The following PRR27 variants were observed in gnomAD, a reference collection of about 807,000 sequenced individuals.
The protein encoded by PRR27 is proline-rich protein 27.
In PRR27, 12 loss-of-function variants were observed where a neutral mutation model predicts 16.8. That is an observed-to-expected ratio of 0.71 (90% CI 0.46 to 1.16). PRR27 has a LOEUF of 1.16. Ranked by LOEUF, PRR27 falls within the 50% of genes most tolerant of loss-of-function variation. The pLI is 0.00. For synonymous variants in PRR27, 100 were observed against 98.4 expected, an observed-to-expected ratio of 1.02 and a Z score of -0.10; for missense variants, 277 against 273.3, an observed-to-expected ratio of 1.01 and a Z score of -0.10.
chr4:70,164,908 TA>T lies in PRR27; in HGVS notation c.*2252del, dbSNP rs752005156. On this transcript the variant is annotated 3_prime_UTR_variant, in exon 5 of 5. Transcript: ENST00000344526. ...TTATTCCAAGAAAATTTTGGAATTT[TA>T]AAAATAAACATGACATCTTATCATG... 2 of 152,108 alleles carry T rather than the reference TA, an allele frequency of 1.3e-5. No individual in the cohort carries two copies. The highest frequency in any genetic ancestry group is 6.6e-5 in the Admixed American group (1 of 15,266). The allele number at this position is 152,108 out of a possible 1,614,324, so 9.4% of individuals were successfully genotyped here. A position where few individuals can be genotyped will look rare whatever the true frequency, so the allele number is the denominator to read the frequency against.
Position 70,165,305 on chromosome 4 carries a change from A to G in PRR27, c.*2644A>G, listed in dbSNP as rs140274275. 8.5e-5 allele frequency: 13 copies of G among 152,248 alleles called. No individual in the cohort carries two copies. The highest frequency in any genetic ancestry group is 1.8e-4 in the Non-Finnish European group (12 of 67,960). The allele number at this position is 152,248 out of a possible 1,614,324, so 9.4% of individuals were successfully genotyped here. ...TTAAAGACTATTTTTGGTAAGGTCT[A>G]TGACACATTCAAAATACTACATACA... On this transcript the variant is annotated 3_prime_UTR_variant, in exon 5 of 5. Coordinates refer to ENST00000344526, the MANE Select transcript of PRR27 (RefSeq NM_214711.4).
rs185740541 is a variant in PRR27 at position 70,161,233 on chromosome 4, T to C, written c.649-353T>C. Among the ~76,000 whole-genome samples, 959 of 128,384 alleles carry C rather than the reference T, an allele frequency of 7.5e-3. 20 individuals carry two copies. The highest frequency in any genetic ancestry group is 0.026 in the African/African-American group (910 of 35,080). The allele number at this position is 128,384 out of a possible 152,430, so 84.2% of individuals were successfully genotyped here. A position where few individuals can be genotyped will look rare whatever the true frequency, so the allele number is the denominator to read the frequency against. Reference sequence around the variant, plus strand: ...ATATATATATATATATATATATATATACCTGTAGCTCATGGTTCACATGAC... The same window carrying C: ...ATATATATATATATATATATATATACACCTGTAGCTCATGGTTCACATGAC... On this transcript the variant is annotated intron_variant, in intron 3 of 4. Transcript: ENST00000344526.
chr4:70,155,993 A>G, intron 1 of PRR27, 61 bp from the exon 2 acceptor site: 2 of 1,050,836 alleles, frequency 1.9e-6, no homozygotes, highest in Non-Finnish European at 1.4e-6. Flanking sequence ...CAATATGGAA[A>G]TGTAGGTGCA....
intron 2 of PRR27, among the ~76,000 whole-genome samples, chr4:70,158,080 T>C (rs775376477): frequency 1.4e-4 from 21 of 152,208 alleles, no homozygotes; most frequent in Non-Finnish European, 2.5e-4. Flanking sequence ...TAGCATATTC[T>C]GTGGACTATA....
Position 70,166,207 on chromosome 4 carries a change from TTTTA to T in PRR27, c.*3550_*3553del, listed in dbSNP as rs1393991581. On this transcript the variant is annotated 3_prime_UTR_variant, in exon 5 of 5. Transcript: ENST00000344526. ...GCCATGAAAGATCAAATATATCACA[TTTTA>T]TTTGACTAAAAAGTAAACTATATTT... The T allele has an allele frequency of 7.9e-5, 12 of 152,066 alleles. No individual in the cohort carries two copies. Among genetic ancestry groups the T allele is most frequent in the African/African-American group, 2.4e-5 (1 of 41,450 alleles). 9.4% of individuals were successfully genotyped at this position (152,066 alleles called of 1,614,324 possible).
intron 1 of PRR27, chr4:70,154,889 C>A: frequency 3.2e-6 from 2 of 621,474 alleles, no homozygotes; most frequent in Non-Finnish European, 5.0e-6. Context: ...AATGCAATGG[C>A]CTTTAGTGTA....
At chr4:70,156,377 A>C (rs1728475825) in intron 2 of PRR27, among the ~76,000 whole-genome samples, 1 of 152,156 alleles carries the variant, frequency 6.6e-6, no homozygotes, top group Admixed American at 6.5e-5. Flanking sequence ...TCTATTATAC[A>C]TTGTCAGTAT....
chr4:70,154,813 G>T, intron 1 of PRR27: 1 of 1,273,256 alleles, frequency 7.9e-7, no homozygotes, highest in Non-Finnish European at 1.0e-6. Flanking sequence ...CAGACATTAG[G>T]GATACTTGAT....
chr4:70,154,616 A>G, intron 1 of PRR27, 190 bp downstream of exon 1: 2 of 837,184 alleles, frequency 2.4e-6, no homozygotes, highest in Admixed American at 2.3e-5. Flanking sequence ...AAGTTGTAGT[A>G]TCTGAAAATA....
Position 70,162,918 on chromosome 4 carries a change from C to A in PRR27, c.*257C>A, listed in dbSNP as rs1475159844. 1 of 152,126 alleles carries A rather than the reference C, an allele frequency of 6.6e-6. No individual in the cohort carries two copies. Among genetic ancestry groups the A allele is most frequent in the Non-Finnish European group, 1.5e-5 (1 of 68,032 alleles). The allele number at this position is 152,126 out of a possible 1,614,324, so 9.4% of individuals were successfully genotyped here. Reference sequence around the variant, plus strand: ...TGGATGAAAACTACGCTATGGAGGACTGAAATGGCAATCATTCAGCCTAGC... The same window carrying A: ...TGGATGAAAACTACGCTATGGAGGAATGAAATGGCAATCATTCAGCCTAGC... On this transcript the variant is annotated 3_prime_UTR_variant, in exon 5 of 5. Coordinates refer to ENST00000344526, the MANE Select transcript of PRR27 (RefSeq NM_214711.4).
In PRR27 at chr4:70,164,921, G is replaced by A. The variant is rs897496615; in HGVS notation, c.*2260G>A. 7.9e-5 allele frequency: 12 copies of A among 152,046 alleles called. No homozygotes were observed. The highest frequency in any genetic ancestry group is 2.7e-4 in the African/African-American group (11 of 41,432). 9.4% of individuals were successfully genotyped at this position (152,046 alleles called of 1,614,324 possible). A position where few individuals can be genotyped will look rare whatever the true frequency, so the allele number is the denominator to read the frequency against. On this transcript the variant is annotated 3_prime_UTR_variant, in exon 5 of 5. Coordinates refer to ENST00000344526, the MANE Select transcript of PRR27 (RefSeq NM_214711.4). Reference sequence around the variant, plus strand: ...ATTTTGGAATTTTAAAAATAAACATGACATCTTATCATGAGAAACATTTAC... The same window carrying A: ...ATTTTGGAATTTTAAAAATAAACATAACATCTTATCATGAGAAACATTTAC...
chr4:70,166,308 A>G lies in PRR27; in HGVS notation c.*3647A>G, dbSNP rs1005676592. ...GGCCTTATCTCAGACCTTTGCAAGT[A>G]GCCTGAATAAAACTTTTCATTATTT... On this transcript the variant is annotated 3_prime_UTR_variant, in exon 5 of 5. Transcript: ENST00000344526. The G allele has an allele frequency of 6.6e-6, 1 of 152,082 alleles. No homozygotes were observed. Among genetic ancestry groups the G allele is most frequent in the Non-Finnish European group, 1.5e-5 (1 of 67,932 alleles). The allele number at this position is 152,082 out of a possible 1,614,324, so 9.4% of individuals were successfully genotyped here. A position where few individuals can be genotyped will look rare whatever the true frequency, so the allele number is the denominator to read the frequency against.
chr4:70,158,307 ACTT>A lies in PRR27; in HGVS notation c.76-17_76-15del. The A allele has an allele frequency of 6.5e-7, 1 of 1,532,056 alleles. No homozygotes were observed. The highest frequency in any genetic ancestry group is 9.0e-7 in the Non-Finnish European group (1 of 1,112,510). 94.9% of individuals were successfully genotyped at this position (1,532,056 alleles called of 1,614,324 possible). A position where few individuals can be genotyped will look rare whatever the true frequency, so the allele number is the denominator to read the frequency against. On this transcript the variant is annotated intron_variant, in intron 2 of 4. Transcript: ENST00000344526. Reference sequence around the variant, plus strand: ...GACAGGACAAATACAATCAACTTCGACTTCTTTGTTTCTCCTTTAGGATGACAA... The same window carrying A: ...GACAGGACAAATACAATCAACTTCGACTTTGTTTCTCCTTTAGGATGACAA...
In PRR27 at chr4:70,158,724, C is replaced by T. The variant is rs758799490; in HGVS notation, c.472C>T (p.Pro158Ser). The change falls in exon 3 of 5, where the codon CCT (proline) becomes TCT (serine). Residue 158 changes from proline (P) to serine (S), a missense_variant. By Grantham distance (74) the Pro-to-Ser change is moderately conservative (BLOSUM62 -1). Transcript: ENST00000344526. ...PAAGAPVAAE[P>S]AAEAPVGAEP... is the part of the protein sequence containing the mutation. ...TGCAGGGGCCCCTGTTGCAGCTGAG[C>T]CTGCTGCAGAGGCACCTGTTGGAGC... The T allele has an allele frequency of 6.3e-7, 1 of 1,578,724 alleles. No homozygotes were observed. Among genetic ancestry groups the T allele is most frequent in the Admixed American group, 1.7e-5 (1 of 59,344 alleles).
rs143985138 is a variant in PRR27, at chr4:70,158,835, C to G, written c.583C>G (p.Pro195Ala). ...GVEPAAEEPS[P>A]AEPATAKPAA... ...GGAGCCAGCTGCAGAGGAACCTTCA[C>G]CAGCTGAGCCTGCTACAGCCAAGCC... Residue 195 changes from proline to alanine, a missense_variant, in exon 3 of 5, where the codon CCA becomes GCA. By Grantham distance (27) the Pro-to-Ala change is conservative. Coordinates refer to ENST00000344526, the MANE Select transcript of PRR27 (RefSeq NM_214711.4). The G allele has an allele frequency of 2.1e-3, 3,333 of 1,613,776 alleles. 51 individuals carry two copies. In the African/African-American group the frequency reaches 0.039, roughly 19 times the overall value.
Position 70,158,835 on chromosome 4 carries a change from C to A in PRR27, c.583C>A (p.Pro195Thr), listed in dbSNP as rs143985138. 1.4e-5 allele frequency: 22 copies of A among 1,613,778 alleles called. No individual in the cohort carries two copies. In the East Asian group the frequency reaches 4.2e-4, roughly 31 times the overall value. ...GGAGCCAGCTGCAGAGGAACCTTCACCAGCTGAGCCTGCTACAGCCAAGCC... is the reference window on the plus strand; with the variant it reads ...GGAGCCAGCTGCAGAGGAACCTTCAACAGCTGAGCCTGCTACAGCCAAGCC... ...GVEPAAEEPS[P>T]AEPATAKPAA... Residue 195 changes from proline (P) to threonine (T), a missense_variant, in exon 3 of 5, where the codon CCA becomes ACA. Coordinates refer to ENST00000344526, the MANE Select transcript of PRR27 (RefSeq NM_214711.4).
Position 70,165,345 on chromosome 4 carries a change from T to C in PRR27, c.*2684T>C, listed in dbSNP as rs1009876507. On this transcript the variant is annotated 3_prime_UTR_variant, in exon 5 of 5. Transcript: ENST00000344526. ...TACTACATACAAGTTTGTATTATCA[T>C]AAATAATCCAAAAGAAAACATACAT... 3 of 152,104 alleles carry C rather than the reference T, an allele frequency of 2.0e-5. No individual in the cohort carries two copies. The highest frequency in any genetic ancestry group is 7.2e-5 in the African/African-American group (3 of 41,448). The allele number at this position is 152,104 out of a possible 1,614,324, so 9.4% of individuals were successfully genotyped here.
At chr4:70,156,443 T>C (rs1728477489) in intron 2 of PRR27, among the ~76,000 whole-genome samples, 1 of 152,160 alleles carries the variant, frequency 6.6e-6, no homozygotes, top group African/African-American at 2.4e-5. Context: ...TCTGTCTGCA[T>C]GAAGGGTTAG....
At chr4:70,160,443 C>CTCTCTCTCTCTCTCTGTGTGTGTGTGTG (rs1298386504) in intron 3 of PRR27, among the ~76,000 whole-genome samples, 22 of 68,702 alleles carry the variant, frequency 3.2e-4, no homozygotes, top group South Asian at 8.6e-4. Context: ...CTCTCTCTCT[C>CTCTCTCTCTCTCTCTGTGTGTGTGTGTG]TGTGTGTGTG....
Sources: gnomAD v4.1 joint callset for allele counts (sites outside exome capture counted in the v4.1 genomes callset) on GRCh38, gnomAD v4.1.1 for gene constraint, MANE v1.5 for transcripts, NCBI Gene and HGNC (gene_info 2026-07-23, HGNC 2026-07-21) for gene names.